FOXP1: variants seen among roughly 807,000 people sequenced by gnomAD.
FOXP1 encodes forkhead box protein P1.
Under a neutral mutation model 98.2 loss-of-function variants are expected in FOXP1, and 15 were observed. The observed-to-expected ratio is 0.15, with a 90% CI of 0.10 to 0.24. The LOEUF is 0.24. Ranked by LOEUF, FOXP1 falls within the 10% of genes least tolerant of loss-of-function variation. The pLI, the probability that FOXP1 is intolerant of heterozygous loss-of-function variation, is 1.00. For missense variants in FOXP1, 633 were observed against 848.5 expected (o/e 0.75, Z 3.15); for synonymous variants, 371 against 314.5 (o/e 1.18, Z -1.90).
Position 71,355,517 on chromosome 3 carries a change from T to C in FOXP1, c.-73+3633A>G, listed in dbSNP as rs919683631. Among the ~76,000 whole-genome samples the C allele has an allele frequency of 2.6e-5, 4 of 152,156 alleles. No individual in the cohort carries two copies. The East Asian group carries it at 7.7e-4, about 29-fold the overall frequency. ...GAGAAGGAGTGAGTCCTGGGAGGCA[T>C]GGAAGGTATCCCGTAATTCAGAGGC... On this transcript the variant is annotated intron_variant, in intron 4 of 20. Coordinates refer to ENST00000649528, the MANE Select transcript of FOXP1 (RefSeq NM_001349338.3).
At chr3:71,150,503 G>A (rs1454021072) in intron 6 of FOXP1, among the ~76,000 whole-genome samples, 9 of 151,934 alleles carry the variant, frequency 5.9e-5, no homozygotes, top group Admixed American at 2.6e-4. Context: ...CAACAACCCT[G>A]AAACTCGATA....
At chr3:70,995,414 T>C (rs1445950191) in intron 13 of FOXP1, among the ~76,000 whole-genome samples, 4 of 152,190 alleles carry the variant, frequency 2.6e-5, no homozygotes, top group African/African-American at 9.6e-5. Context: ...GTATACTGAT[T>C]ATGGGAACTT....
intron 7 of FOXP1, among the ~76,000 whole-genome samples, chr3:71,100,189 T>C (rs555760637): frequency 2.6e-5 from 4 of 152,286 alleles, no homozygotes; most frequent in African/African-American, 9.6e-5. Flanking sequence ...TCAGAGCCCA[T>C]CTCAGACCCA....
chr3:71,558,995 G>A (rs966447184), intron 2 of FOXP1, among the ~76,000 whole-genome samples: 31 of 151,718 alleles, frequency 2.0e-4, no homozygotes, highest in Admixed American at 3.3e-4. Flanking sequence ...TAGTAGAGAC[G>A]GGGTTTCACC....
intron 11 of FOXP1, among the ~76,000 whole-genome samples, chr3:71,029,710 C>T (rs549575780): frequency 4.5e-4 from 68 of 152,112 alleles, no homozygotes; most frequent in African/African-American, 1.5e-3. Flanking sequence ...CAAGTCATGC[C>T]CTCTGTTACG....
intron 5 of FOXP1, among the ~76,000 whole-genome samples, chr3:71,269,247 G>A (rs1235476917): frequency 2.6e-5 from 4 of 151,802 alleles, no homozygotes; most frequent in African/African-American, 9.7e-5. Flanking sequence ...CCTTGAAGAT[G>A]ACAATTTATG....
chr3:71,081,712 A>G (rs2054439238), intron 7 of FOXP1, among the ~76,000 whole-genome samples: 1 of 152,200 alleles, frequency 6.6e-6, no homozygotes, highest in Admixed American at 6.5e-5. Context: ...TGAAAAATAC[A>G]ACTAAGTATT....
intron 5 of FOXP1, among the ~76,000 whole-genome samples, chr3:71,265,848 G>A (rs998459128): frequency 1.3e-5 from 2 of 152,212 alleles, no homozygotes; most frequent in South Asian, 2.1e-4. Context: ...GAGGGGGCGC[G>A]AAAAGTGAAG....
chr3:71,297,615 A>AT (rs1491168275), intron 5 of FOXP1, among the ~76,000 whole-genome samples: 1 of 61,720 alleles, frequency 1.6e-5, no homozygotes, highest in Non-Finnish European at 3.6e-5. Flanking sequence ...AGCTTTGTTT[A>AT]ATTTTTTTTT....
At chr3:71,272,008 A>C (rs2070406845) in intron 5 of FOXP1, among the ~76,000 whole-genome samples, 1 of 152,234 alleles carries the variant, frequency 6.6e-6, no homozygotes, top group South Asian at 2.1e-4. Flanking sequence ...TAAGAGTCTC[A>C]CTGGGGACAT....
intron 6 of FOXP1, among the ~76,000 whole-genome samples, chr3:71,177,080 A>G (rs2061986860): frequency 6.6e-6 from 1 of 152,102 alleles, no homozygotes; most frequent in South Asian, 2.1e-4. Context: ...AAACAAATGA[A>G]AAAAAGGAAG....
chr3:71,149,271 T>A (rs2108051893), intron 6 of FOXP1, among the ~76,000 whole-genome samples: 1 of 152,318 alleles, frequency 6.6e-6, no homozygotes, highest in East Asian at 1.9e-4. Context: ...AGTTCTTGGA[T>A]TGAGAGGCAG....
chr3:71,438,615 G>A (rs1179363736), intron 3 of FOXP1, among the ~76,000 whole-genome samples: 2 of 151,898 alleles, frequency 1.3e-5, no homozygotes, highest in Admixed American at 1.3e-4. Flanking sequence ...TCTCCCTTGG[G>A]TCTTTTGGAC....
intron 14 of FOXP1, among the ~76,000 whole-genome samples, chr3:70,984,700 T>A (rs1395934936): frequency 6.6e-6 from 1 of 152,174 alleles, no homozygotes; most frequent in Non-Finnish European, 1.5e-5. Context: ...AAGATTTTAC[T>A]TAGGTTTAAA....
chr3:71,374,492 C>G lies in FOXP1; in HGVS notation c.-167-15248G>C, dbSNP rs572730610. On this transcript the variant is annotated intron_variant, in intron 3 of 20. Coordinates refer to ENST00000649528, the MANE Select transcript of FOXP1 (RefSeq NM_001349338.3). ...CCTGTAATCCCAGCTACTTGGGAGG[C>G]TGAGGCAGAAGAATTGCTTGAACCT... 1.3e-5 allele frequency among the ~76,000 whole-genome samples: 2 copies of G among 151,956 alleles called. 1 individual carries two copies. Among genetic ancestry groups the G allele is most frequent in the East Asian group, 3.9e-4 (2 of 5,148 alleles).
intron 6 of FOXP1, among the ~76,000 whole-genome samples, chr3:71,182,377 C>T (rs2062364288): frequency 6.6e-6 from 1 of 151,990 alleles, no homozygotes; most frequent in Non-Finnish European, 1.5e-5. Context: ...TTTTATATAT[C>T]TCACAAGAGT....
chr3:71,005,300 A>G (rs2042624329), intron 12 of FOXP1, among the ~76,000 whole-genome samples: 1 of 146,554 alleles, frequency 6.8e-6, no homozygotes, highest in African/African-American at 2.6e-5. Flanking sequence ...GTGGAGAGAA[A>G]CAAATACCTG....
intron 5 of FOXP1, 66 bp from the exon 6 acceptor site, chr3:71,198,458 AGTT>A (rs1462807422): frequency 1.4e-6 from 2 of 1,389,042 alleles, no homozygotes; most frequent in Admixed American, 1.7e-5. Flanking sequence ...CTGTTAAAGC[AGTT>A]GTTGTGCATA....
chr3:71,443,654 C>T (rs1027651315), intron 3 of FOXP1, among the ~76,000 whole-genome samples: 1 of 152,192 alleles, frequency 6.6e-6, no homozygotes, highest in Non-Finnish European at 1.5e-5. Flanking sequence ...AACAGGGCCC[C>T]AGAACCTGCA....
Sources: allele counts gnomAD v4.1 joint callset (sites outside exome capture counted in the v4.1 genomes callset), GRCh38; gene constraint gnomAD v4.1.1; transcripts MANE v1.5; gene names NCBI Gene and HGNC (gene_info 2026-07-23, HGNC 2026-07-21).